Variants in TGIF1 observed in about 807,000 individuals in gnomAD.
TGIF1 encodes the protein TGFB induced factor homeobox 1, also known as homeobox protein TGIF1.
TGIF1 carries 4 observed loss-of-function variants against 19.3 expected under a neutral mutation model. The observed-to-expected ratio is 0.21, with a 90% CI of 0.10 to 0.47. The LOEUF is 0.47. Among genes scored for constraint, TGIF1 ranks in the 20% least tolerant of loss-of-function variants. The pLI is 0.98. For missense variants in TGIF1, 275 were observed against 341.4 expected, an observed-to-expected ratio of 0.81 and a Z score of 1.53; for synonymous variants, 122 against 129.3, an observed-to-expected ratio of 0.94 and a Z score of 0.38.
At chr18:3,425,257 C>T (rs2082451820) in intron 2 of TGIF1, among the ~76,000 whole-genome samples, 1 of 152,246 alleles carries the variant, frequency 6.6e-6, no homozygotes, top group Non-Finnish European at 1.5e-5. Context: ...CACAGACTGG[C>T]TGTCCTTGCT....
chr18:3,423,331 G>A (rs2082429889), intron 2 of TGIF1, among the ~76,000 whole-genome samples: 1 of 152,034 alleles, frequency 6.6e-6, no homozygotes, highest in South Asian at 2.1e-4. Flanking sequence ...AGGGTCCCTT[G>A]AGCCCAGAGT....
At chr18:3,415,540 C>G in intron 1 of TGIF1, 1 of 413,552 alleles carries the variant, frequency 2.4e-6, no homozygotes, top group Non-Finnish European at 4.9e-6. Context: ...CCCTTTAGAG[C>G]CCGCAGACCA....
At chr18:3,452,065 C>T (rs1598899359) in intron 1 of TGIF1, 1 of 1,613,950 alleles carries the variant, frequency 6.2e-7, no homozygotes, top group Non-Finnish European at 8.5e-7. Context: ...GATTCCTTTC[C>T]ATGGCCCGCC....
intron 1 of TGIF1, among the ~76,000 whole-genome samples, chr18:3,452,576 TA>T (rs938420993): frequency 1.1e-4 from 16 of 152,150 alleles, no homozygotes; most frequent in African/African-American, 3.9e-4. Flanking sequence ...TTGCTTGTGC[TA>T]ACTCGTGCAG....
upstream of TGIF1, among the ~76,000 whole-genome samples, chr18:3,446,435 C>T (rs563497009): frequency 2.2e-4 from 33 of 152,284 alleles, no homozygotes; most frequent in African/African-American, 7.7e-4. Context: ...CCACCCACCT[C>T]GGCCTCCCAA....
At chr18:3,440,903 G>A (rs552967219) in intron 2 of TGIF1, among the ~76,000 whole-genome samples, 49 of 152,140 alleles carry the variant, frequency 3.2e-4, no homozygotes, top group Non-Finnish European at 2.2e-4. Flanking sequence ...GAAAAATACA[G>A]GCATACAAAA....
intron 2 of TGIF1, among the ~76,000 whole-genome samples, chr18:3,444,286 C>CTTTTTTTTTTTTT (rs57205118): frequency 8.2e-6 from 1 of 122,228 alleles, no homozygotes; most frequent in African/African-American, 3.8e-5. Flanking sequence ...ACTTTCTTTT[C>CTTTTTTTTTTTTT]TTTTTTTTTT....
At chr18:3,449,538 T>TTGCCCCCCCCCCC, upstream of TGIF1, 7 of 961,946 alleles carry the variant, frequency 7.3e-6, no homozygotes, top group Non-Finnish European at 8.6e-6. Flanking sequence ...GTCTCATCAT[T>TTGCCCCCCCCCCC]CCCCCCCGCC....
intron 2 of TGIF1, among the ~76,000 whole-genome samples, chr18:3,421,104 G>T (rs564314484): frequency 7.2e-4 from 109 of 152,136 alleles, no homozygotes; most frequent in African/African-American, 2.5e-3. Flanking sequence ...TCCTAACTTT[G>T]TGGTGCAACA....
At chr18:3,414,503 G>T (rs562593347) in intron 1 of TGIF1, among the ~76,000 whole-genome samples, 1 of 152,122 alleles carries the variant, frequency 6.6e-6, no homozygotes, top group Non-Finnish European at 1.5e-5. Context: ...GCCCCAGTTG[G>T]GTTGGTGATC....
intron 2 of TGIF1, among the ~76,000 whole-genome samples, chr18:3,437,942 G>T (rs2082634639): frequency 6.6e-6 from 1 of 152,142 alleles, no homozygotes; most frequent in Admixed American, 6.5e-5. Context: ...AAATTAGCCA[G>T]GTGTGGTGGT....
intron 2 of TGIF1, among the ~76,000 whole-genome samples, chr18:3,432,010 C>A (rs958735272): frequency 6.6e-6 from 1 of 151,932 alleles, no homozygotes; most frequent in East Asian, 1.9e-4. Flanking sequence ...CACCTGTAGT[C>A]CCAGCTACTT....
At position 3,459,392 on chromosome 18, in the gene TGIF1, G is replaced by C. The variant is rs1250780456; in HGVS notation, c.*1452G>C. 6.6e-6 allele frequency: 1 copy of C among 152,296 alleles called. No homozygotes were observed. The highest frequency in any genetic ancestry group is 2.4e-5 in the African/African-American group (1 of 41,570). The allele number at this position is 152,296 out of a possible 1,614,324, so 9.4% of individuals were successfully genotyped here. ...AAACTGCTGATGATTACCAAGAGGC[G>C]TAAGAAAATTAGGTGAGGGAATGTT... On this transcript the variant is annotated 3_prime_UTR_variant, in exon 3 of 3. Transcript: ENST00000343820.
At chr18:3,416,389 C>T (rs1018637785) in intron 1 of TGIF1, among the ~76,000 whole-genome samples, 9 of 152,044 alleles carry the variant, frequency 5.9e-5, no homozygotes, top group South Asian at 2.1e-4. Flanking sequence ...TGTTATGGCA[C>T]GCGCCTGTAA....
rs1416063652 is a variant in TGIF1, at chr18:3,437,138, C to T, written c.-45+18923C>T. On this transcript the variant is annotated intron_variant, in intron 2 of 3. Transcript: ENST00000401449. ...TAATAATAATAAAATAAAATAAACCCTCAATTTTATTTACCCAGAAAAAAG... is the reference window on the plus strand; with the variant it reads ...TAATAATAATAAAATAAAATAAACCTTCAATTTTATTTACCCAGAAAAAAG... 2.0e-5 allele frequency among the ~76,000 whole-genome samples: 3 copies of T among 151,960 alleles called. 1 individual carries two copies. The highest frequency in any genetic ancestry group is 2.0e-4 in the Admixed American group (3 of 15,242).
At chr18:3,437,042 T>G (rs1274231326) in intron 2 of TGIF1, among the ~76,000 whole-genome samples, 6 of 152,042 alleles carry the variant, frequency 3.9e-5, no homozygotes, top group Non-Finnish European at 7.4e-5. Context: ...GAGGCAGAAG[T>G]TGCAGTGAGC....
intron 1 of TGIF1, 144 bp downstream of exon 1, chr18:3,450,649 C>T: frequency 6.7e-7 from 1 of 1,499,590 alleles, no homozygotes; most frequent in Non-Finnish European, 9.0e-7. Context: ...TTTGTTGAGG[C>T]TGCGTCTGAA....
At chr18:3,445,905 C>G (rs1376114210), upstream of TGIF1, among the ~76,000 whole-genome samples, 1 of 151,742 alleles carries the variant, frequency 6.6e-6, no homozygotes, top group Non-Finnish European at 1.5e-5. Context: ...TAGTTTCTGC[C>G]CTCCACATCC....
intron 2 of TGIF1, among the ~76,000 whole-genome samples, chr18:3,419,756 A>G (rs2082377041): frequency 6.6e-6 from 1 of 152,266 alleles, no homozygotes; most frequent in Non-Finnish European, 1.5e-5. Flanking sequence ...CTGTAATCCC[A>G]GCACTGTGGG....
Sources: allele counts gnomAD v4.1 joint callset (sites outside exome capture counted in the v4.1 genomes callset), GRCh38; gene constraint gnomAD v4.1.1; transcripts MANE v1.5; gene names NCBI Gene and HGNC (gene_info 2026-07-23, HGNC 2026-07-21).